SEMA3A: variants seen among roughly 807,000 people sequenced by gnomAD.
The protein encoded by SEMA3A is semaphorin-3A.
SEMA3A carries 29 observed loss-of-function variants against 97.9 expected under a neutral mutation model. The ratio of observed to expected loss-of-function variants is 0.30; its 90% confidence interval spans 0.22 to 0.40. The LOEUF (loss-of-function observed/expected upper bound fraction) is 0.40, where lower values mean the gene tolerates loss of function less well. Ranked by LOEUF, SEMA3A falls within the 10% of genes least tolerant of loss-of-function variation. The pLI is 1.00. For synonymous variants in SEMA3A, 321 were observed against 323.7 expected, an observed-to-expected ratio of 0.99 and a Z score of 0.09; for missense variants, 763 against 951.3, an observed-to-expected ratio of 0.80 and a Z score of 2.60.
intron 3 of SEMA3A, among the ~76,000 whole-genome samples, chr7:84,301,196 T>G (rs1801009033): frequency 6.6e-6 from 1 of 152,082 alleles, no homozygotes; most frequent in South Asian, 2.1e-4. Context: ...AAAGGCTTCC[T>G]AGTACTCAAT....
intron 2 of SEMA3A, among the ~76,000 whole-genome samples, chr7:84,320,548 T>C (rs909809698): frequency 6.6e-6 from 1 of 152,174 alleles, no homozygotes; most frequent in Non-Finnish European, 1.5e-5. Flanking sequence ...TTATAAAAAG[T>C]AAAAGTGAAA....
intron 2 of SEMA3A, among the ~76,000 whole-genome samples, chr7:84,362,839 G>T (rs1018887073): frequency 6.6e-6 from 1 of 151,896 alleles, no homozygotes; most frequent in African/African-American, 2.4e-5. Context: ...ATAATATATA[G>T]GACTATGGGC....
In SEMA3A at chr7:84,329,319, C is replaced by T. The variant is rs1047059178; in HGVS notation, c.-168-22027G>A. Among the ~76,000 whole-genome samples, 5 of 152,088 alleles carry T rather than the reference C, an allele frequency of 3.3e-5. No individual in the cohort carries two copies. The East Asian group carries it at 7.7e-4, about 24-fold the overall frequency. ...GATGAGTTTTGAGATGTCATGCAGC[C>T]GTGTCCAACCCTTTGAATGTGAGAA... On this transcript the variant is annotated intron_variant, in intron 2 of 3. Coordinates refer to the SEMA3A transcript ENST00000424555.
chr7:84,492,467 G>A (rs1364272598), exon 1 of SEMA3A: 1 of 152,130 alleles, frequency 6.6e-6, no homozygotes, highest in Non-Finnish European at 1.5e-5. Context: ...TACTGCCTTT[G>A]TTGTCCTTTG....
At chr7:84,380,286 G>C (rs987227833) in intron 1 of SEMA3A, among the ~76,000 whole-genome samples, 4 of 152,110 alleles carry the variant, frequency 2.6e-5, no homozygotes, top group African/African-American at 9.7e-5. Flanking sequence ...CATTGTCCCA[G>C]GTGTACTGGA....
At chr7:84,211,849 T>C (rs748577149) in intron 3 of SEMA3A, among the ~76,000 whole-genome samples, 6 of 152,190 alleles carry the variant, frequency 3.9e-5, no homozygotes, top group Non-Finnish European at 8.8e-5. Context: ...TTGGTCTATA[T>C]GTGGGATTCA....
intron 6 of SEMA3A, among the ~76,000 whole-genome samples, chr7:84,025,238 A>G (rs1791506053): frequency 6.6e-6 from 1 of 152,232 alleles, no homozygotes; most frequent in African/African-American, 2.4e-5. Flanking sequence ...AAATTATAAA[A>G]CTATATTAAT....
intron 1 of SEMA3A, among the ~76,000 whole-genome samples, chr7:84,484,272 A>G (rs1283344244): frequency 6.6e-6 from 1 of 152,178 alleles, no homozygotes; most frequent in Non-Finnish European, 1.5e-5. Context: ...TTCTTATAGT[A>G]GCAGAGAATA....
At chr7:84,430,577 C>T (rs187387336) in intron 1 of SEMA3A, among the ~76,000 whole-genome samples, 3 of 152,060 alleles carry the variant, frequency 2.0e-5, no homozygotes, top group Non-Finnish European at 2.9e-5. Flanking sequence ...TCAATCACAT[C>T]AGTGTGAAAA....
chr7:84,147,142 T>C (rs1796486674), intron 1 of SEMA3A, among the ~76,000 whole-genome samples: 1 of 152,150 alleles, frequency 6.6e-6, no homozygotes, highest in Admixed American at 6.5e-5. Flanking sequence ...ATATACTACA[T>C]TTTCCAGTAA....
intron 1 of SEMA3A, among the ~76,000 whole-genome samples, chr7:84,148,046 A>C (rs1224331892): frequency 6.6e-6 from 1 of 151,440 alleles, no homozygotes; most frequent in Non-Finnish European, 1.5e-5. Context: ...AGTAGCTGGT[A>C]TTACAGGCAT....
chr7:84,034,288 A>G (rs888158629), intron 6 of SEMA3A, among the ~76,000 whole-genome samples: 2 of 152,114 alleles, frequency 1.3e-5, no homozygotes, highest in Non-Finnish European at 2.9e-5. Context: ...CTGGCCTGGT[A>G]TGGTCTTTTA....
chr7:84,414,471 G>A (rs1020798735), intron 1 of SEMA3A, among the ~76,000 whole-genome samples: 1 of 150,762 alleles, frequency 6.6e-6, no homozygotes, highest in Admixed American at 6.6e-5. Context: ...TACGTGCAAT[G>A]AAATGAAACT....
intron 4 of SEMA3A, among the ~76,000 whole-genome samples, chr7:84,065,710 A>G (rs181506488): frequency 4.5e-4 from 69 of 152,286 alleles, no homozygotes; most frequent in Middle Eastern, 3.4e-3. Context: ...CTCTCCCAAG[A>G]CTAAACCAGG....
intron 2 of SEMA3A, among the ~76,000 whole-genome samples, chr7:84,321,409 T>A (rs17158848): frequency 0.066 from 9,995 of 152,196 alleles, 543 homozygotes; most frequent in East Asian, 0.29. Flanking sequence ...TATAACACAA[T>A]CTCTCTGCAC....
chr7:84,312,525 A>G (rs71558724), intron 2 of SEMA3A, among the ~76,000 whole-genome samples: 4,897 of 151,740 alleles, frequency 0.032, 86 homozygotes, highest in South Asian at 0.06. Flanking sequence ...TTATTCATAC[A>G]TTAAGATCTT....
intron 3 of SEMA3A, among the ~76,000 whole-genome samples, chr7:84,305,501 A>G (rs1374053727): frequency 1.3e-5 from 2 of 152,024 alleles, no homozygotes; most frequent in African/African-American, 2.4e-5. Context: ...ATCCTGTTTC[A>G]ATTCAATGTG....
intron 4 of SEMA3A, among the ~76,000 whole-genome samples, chr7:84,079,990 T>C (rs1317815546): frequency 6.9e-6 from 1 of 145,294 alleles, no homozygotes; most frequent in Non-Finnish European, 1.5e-5. Flanking sequence ...TAAGAAAATG[T>C]GGCACATATA....
intron 6 of SEMA3A, among the ~76,000 whole-genome samples, chr7:84,031,382 T>C (rs1469940812): frequency 6.6e-6 from 1 of 152,142 alleles, no homozygotes; most frequent in African/African-American, 2.4e-5. Flanking sequence ...CTAAAATGCT[T>C]CTTAAAGGTT....
Sources: allele counts gnomAD v4.1 joint callset (sites outside exome capture counted in the v4.1 genomes callset), GRCh38; gene constraint gnomAD v4.1.1; transcripts MANE v1.5; gene names NCBI Gene and HGNC (gene_info 2026-07-23, HGNC 2026-07-21).